The following ARHGEF38 variants were observed in gnomAD, a reference collection of about 807,000 sequenced individuals.
ARHGEF38 encodes the protein Rho guanine nucleotide exchange factor (GEF) 38.
In ARHGEF38, 79 loss-of-function variants were observed where a neutral mutation model predicts 79.9. The ratio of observed to expected loss-of-function variants is 0.99; its 90% CI spans 0.82 to 1.19. The LOEUF (loss-of-function observed/expected upper bound fraction) is 1.19, where lower values mean the gene tolerates loss of function less well. Ranked by LOEUF, ARHGEF38 falls within the 50% of genes most tolerant of loss-of-function variation. The pLI is 0.00. For missense variants in ARHGEF38, 962 were observed against 907.2 expected, an observed-to-expected ratio of 1.06 and a Z score of -0.78; for synonymous variants, 366 against 328.3, an observed-to-expected ratio of 1.11 and a Z score of -1.24.
chr4:105,633,184 T>C (rs1204049913), intron 4 of ARHGEF38: 3 of 152,282 alleles, frequency 2.0e-5, no homozygotes, highest in African/African-American at 7.2e-5. Flanking sequence ...AGAAGCAGTA[T>C]TGGCACAACT....
intron 6 of ARHGEF38, among the ~76,000 whole-genome samples, chr4:105,645,766 C>T (rs1035728145): frequency 2.0e-5 from 3 of 152,022 alleles, no homozygotes; most frequent in Admixed American, 2.0e-4. Flanking sequence ...CAGAAAGCAC[C>T]CAGGAAAGGG....
chr4:105,612,875 A>C (rs1439028629), intron 2 of ARHGEF38, among the ~76,000 whole-genome samples: 1 of 152,180 alleles, frequency 6.6e-6, no homozygotes, highest in African/African-American at 2.4e-5. Flanking sequence ...ATCCTTAATT[A>C]GTAGAATATA....
chr4:105,617,580 G>C (rs1187752170), intron 3 of ARHGEF38, among the ~76,000 whole-genome samples: 8 of 152,160 alleles, frequency 5.3e-5, no homozygotes, highest in African/African-American at 1.9e-4. Flanking sequence ...AAATCAACCA[G>C]AGTGTCCTAA....
At chr4:105,668,036 T>C (rs1206178072) in intron 13 of ARHGEF38, among the ~76,000 whole-genome samples, 1 of 152,142 alleles carries the variant, frequency 6.6e-6, no homozygotes, top group Middle Eastern at 3.2e-3. Flanking sequence ...GAAAAGTAGT[T>C]CAATACTGAA....
intron 3 of ARHGEF38, among the ~76,000 whole-genome samples, chr4:105,623,863 AC>A (rs1728838598): frequency 6.6e-6 from 1 of 151,650 alleles, no homozygotes; most frequent in African/African-American, 2.4e-5. Flanking sequence ...GCCCACTAGC[AC>A]CCCCCAGTTT....
intron 1 of ARHGEF38, among the ~76,000 whole-genome samples, chr4:105,571,115 A>G (rs1385592154): frequency 2.0e-5 from 3 of 152,204 alleles, no homozygotes; most frequent in Non-Finnish European, 2.9e-5. Context: ...TTGTCCAACA[A>G]TGTGAATGCA....
Position 105,667,190 on chromosome 4 carries a change from A to T in ARHGEF38, c.1751A>T (p.Glu584Val). 6.5e-7 allele frequency: 1 copy of T among 1,536,160 alleles called. No homozygotes were observed. Among genetic ancestry groups the T allele is most frequent in the Non-Finnish European group, 8.7e-7 (1 of 1,146,906 alleles). ...AAACTTCTATCCACATATAGTGCAG[A>T]GGAACTCTATCAAGCTAAGCGCAAG... The part of the protein sequence containing the change: ...RSKLLSTYSA[E>V]ELYQAKRKCN... Residue 584 changes from glutamate to valine, a missense_variant, in exon 12 of 14, where the codon GAG becomes GTG. Coordinates refer to ENST00000420470, the MANE Select transcript of ARHGEF38 (RefSeq NM_001242729.2).
rs370150968 is a variant in ARHGEF38 at position 105,648,468 on chromosome 4, C to T, written c.875-81C>T. The T allele has an allele frequency of 3.2e-5, 40 of 1,243,302 alleles. No homozygotes were observed. In the African/African-American group the frequency reaches 5.3e-4, roughly 17 times the overall value. 77.0% of individuals were successfully genotyped at this position (1,243,302 alleles called of 1,614,324 possible). On this transcript the variant is annotated intron_variant, in intron 6 of 13. Coordinates refer to ENST00000420470, the MANE Select transcript of ARHGEF38 (RefSeq NM_001242729.2). The stretch of plus-strand genomic sequence containing the variant: ...TACATATTTATCTTGAATATAAATA[C>T]TCGTCTTGAAAACTTTGGGTGAAGT...
In ARHGEF38 at chr4:105,680,197, T is replaced by G; in HGVS notation, c.*2260T>G. On this transcript the variant is annotated 3_prime_UTR_variant, in exon 14 of 14. Coordinates refer to ENST00000420470, the MANE Select transcript of ARHGEF38 (RefSeq NM_001242729.2). Reference sequence around the variant, plus strand: ...TGACTTTAAGGCCTTTCTTTTAGTGTTTTCCCTTTTCTTTTCCTTAAGTCA... The same window carrying G: ...TGACTTTAAGGCCTTTCTTTTAGTGGTTTCCCTTTTCTTTTCCTTAAGTCA... 2.0e-6 allele frequency: 1 copy of G among 494,542 alleles called. No individual in the cohort carries two copies. Among genetic ancestry groups the G allele is most frequent in the East Asian group, 4.2e-5 (1 of 23,892 alleles). The allele number at this position is 494,542 out of a possible 1,614,324, so 30.6% of individuals were successfully genotyped here.
chr4:105,593,680 G>T (rs1037734363), intron 2 of ARHGEF38, among the ~76,000 whole-genome samples: 1 of 152,156 alleles, frequency 6.6e-6, no homozygotes, highest in Non-Finnish European at 1.5e-5. Context: ...CTGCTACATT[G>T]GTGAGTCAAA....
intron 6 of ARHGEF38, among the ~76,000 whole-genome samples, chr4:105,648,180 G>A (rs1421643573): frequency 2.6e-5 from 4 of 152,054 alleles, no homozygotes; most frequent in African/African-American, 9.7e-5. Context: ...GAGCCACCGT[G>A]CCCGGCTGAG....
At chr4:105,597,775 G>A (rs1727646548) in intron 2 of ARHGEF38, among the ~76,000 whole-genome samples, 1 of 152,086 alleles carries the variant, frequency 6.6e-6, no homozygotes, top group Non-Finnish European at 1.5e-5. Flanking sequence ...TAGCCTTGGG[G>A]GAAACTTGGT....
intron 1 of ARHGEF38, chr4:105,561,539 AG>A (rs1163969408): frequency 6.8e-6 from 1 of 146,404 alleles, no homozygotes; most frequent in African/African-American, 2.5e-5. Flanking sequence ...AGAATAGAAT[AG>A]AAAAGTTTCT....
intron 6 of ARHGEF38, 123 bp downstream of exon 6, chr4:105,645,510 AT>A: frequency 1.2e-6 from 1 of 832,228 alleles, no homozygotes; most frequent in Non-Finnish European, 1.7e-6. Context: ...GAAATCTACA[AT>A]TAGAAGCTGG....
At chr4:105,622,984 T>C (rs1365739359) in intron 3 of ARHGEF38, among the ~76,000 whole-genome samples, 1 of 152,218 alleles carries the variant, frequency 6.6e-6, no homozygotes, top group Non-Finnish European at 1.5e-5. Flanking sequence ...GTCCAAATTC[T>C]ATGCCTTTGG....
chr4:105,587,507 C>G (rs1424963216), intron 1 of ARHGEF38, among the ~76,000 whole-genome samples: 1 of 152,108 alleles, frequency 6.6e-6, no homozygotes, highest in African/African-American at 2.4e-5. Flanking sequence ...CTCGCCCAGG[C>G]TGGAGTGCAG....
intron 10 of ARHGEF38, among the ~76,000 whole-genome samples, chr4:105,660,777 T>C (rs574191174): frequency 1.0e-3 from 155 of 152,340 alleles, no homozygotes; most frequent in Non-Finnish European, 1.8e-3. Flanking sequence ...TATAGTAACT[T>C]ACTGCATGGC....
chr4:105,625,882 T>C (rs1010891896), intron 3 of ARHGEF38, among the ~76,000 whole-genome samples: 1 of 152,188 alleles, frequency 6.6e-6, no homozygotes, highest in Non-Finnish European at 1.5e-5. Flanking sequence ...TTCTTGTCCT[T>C]CCTCATGCTG....
intron 13 of ARHGEF38, among the ~76,000 whole-genome samples, chr4:105,676,148 T>A (rs1341735954): frequency 6.6e-6 from 1 of 152,358 alleles, no homozygotes; most frequent in East Asian, 1.9e-4. Context: ...GCATTCTCTT[T>A]CTCTGCTTAA....
Sources: allele counts gnomAD v4.1 joint callset (sites outside exome capture counted in the v4.1 genomes callset), GRCh38; gene constraint gnomAD v4.1.1; transcripts MANE v1.5; gene names NCBI Gene and HGNC (gene_info 2026-07-23, HGNC 2026-07-21).